Variants in DOK5 observed in about 807,000 individuals in gnomAD.
DOK5 encodes docking protein 5.
Under a neutral mutation model 43.3 loss-of-function variants are expected in DOK5, and 27 were observed. That is an observed-to-expected ratio of 0.62 (90% CI 0.46 to 0.86). The LOEUF is 0.86. DOK5 is among the 40% of genes least tolerant of loss of function. The pLI, the probability that DOK5 is intolerant of heterozygous loss-of-function variation, is 0.00. For synonymous variants in DOK5, 146 were observed against 140.1 expected (o/e 1.04, Z -0.30); for missense variants, 373 against 392.9 (o/e 0.95, Z 0.43).
chr20:54,610,553 A>G, intron 6 of DOK5, 30 bp downstream of exon 6: 1 of 1,424,746 alleles, frequency 7.0e-7, no homozygotes, highest in Admixed American at 2.7e-5. Context: ...CTCGTGTCCC[A>G]GTGCCTATCA....
chr20:54,644,722 A>AAACAAAAAAAAAAC lies in DOK5; in HGVS notation c.856+1151_856+1152insAAAAAACAACAAAA, dbSNP rs1555839829. On this transcript the variant is annotated intron_variant, in intron 7 of 7. Transcript: ENST00000262593. Reference sequence around the variant, plus strand: ...CTCCGTCTCAAAAAAAAAAAAAAAAAAACAAAATTTAGCTGGGCGTGGTGG... The same window carrying AAACAAAAAAAAAAC: ...CTCCGTCTCAAAAAAAAAAAAAAAAAAACAAAAAAAAAACAACAAAATTTAGCTGGGCGTGGTGG... Among the ~76,000 whole-genome samples the AAACAAAAAAAAAAC allele has an allele frequency of 2.9e-4, 43 of 146,624 alleles. 1 individual carries two copies. Among genetic ancestry groups the AAACAAAAAAAAAAC allele is most frequent in the African/African-American group, 1.0e-3 (40 of 39,314 alleles).
intron 5 of DOK5, among the ~76,000 whole-genome samples, chr20:54,605,012 AAT>A (rs1555835479): frequency 2.6e-5 from 3 of 116,154 alleles, no homozygotes; most frequent in Admixed American, 1.6e-4. Context: ...AAAAAAAAAA[AAT>A]ATATATATAT....
chr20:54,528,671 T>G (rs891089351), intron 1 of DOK5, among the ~76,000 whole-genome samples: 1 of 152,204 alleles, frequency 6.6e-6, no homozygotes, highest in Admixed American at 6.6e-5. Flanking sequence ...GTCCCTCAGC[T>G]GGCACATTGC....
intron 6 of DOK5, among the ~76,000 whole-genome samples, chr20:54,613,705 G>T (rs562865579): frequency 3.3e-5 from 5 of 152,128 alleles, no homozygotes; most frequent in Non-Finnish European, 5.9e-5. Context: ...TTAAAACTAT[G>T]CATCAAGGTT....
At chr20:54,561,815 T>C (rs1271502000) in intron 2 of DOK5, among the ~76,000 whole-genome samples, 1 of 152,136 alleles carries the variant, frequency 6.6e-6, no homozygotes, top group Non-Finnish European at 1.5e-5. Flanking sequence ...CGCCACCAAG[T>C]CCGGCTAATT....
At chr20:54,555,086 G>A (rs1379558174) in intron 2 of DOK5, 46 bp downstream of exon 2, 19 of 1,315,052 alleles carry the variant, frequency 1.4e-5, no homozygotes, top group Non-Finnish European at 2.1e-5. Flanking sequence ...TTTACAGGGA[G>A]GCAACTGGAA....
chr20:54,553,857 A>G (rs1461226514), intron 1 of DOK5, among the ~76,000 whole-genome samples: 5 of 142,552 alleles, frequency 3.5e-5, no homozygotes, highest in Non-Finnish European at 7.5e-5. Flanking sequence ...AGATCGCACC[A>G]CCTCACTCCA....
At chr20:54,529,213 C>T (rs921516279) in intron 1 of DOK5, among the ~76,000 whole-genome samples, 9 of 152,118 alleles carry the variant, frequency 5.9e-5, no homozygotes, top group African/African-American at 2.2e-4. Context: ...GGAAGATAGA[C>T]ATAATTATAA....
At chr20:54,628,344 G>C (rs963080948) in intron 6 of DOK5, among the ~76,000 whole-genome samples, 1 of 141,078 alleles carries the variant, frequency 7.1e-6, no homozygotes, top group Non-Finnish European at 1.5e-5. Flanking sequence ...GGGAGGCGGA[G>C]CTTGCAGTGA....
chr20:54,530,910 T>C (rs1983749473), intron 1 of DOK5, among the ~76,000 whole-genome samples: 1 of 152,186 alleles, frequency 6.6e-6, no homozygotes, highest in Non-Finnish European at 1.5e-5. Context: ...TAAGTTCCTG[T>C]GAGCGGAATT....
chr20:54,609,611 A>G (rs1188352395), intron 5 of DOK5, among the ~76,000 whole-genome samples: 1 of 152,058 alleles, frequency 6.6e-6, no homozygotes, highest in Admixed American at 6.6e-5. Flanking sequence ...ACATACATAT[A>G]CTAAAATATA....
intron 1 of DOK5, among the ~76,000 whole-genome samples, chr20:54,525,972 A>G (rs910794246): frequency 1.3e-5 from 2 of 152,086 alleles, no homozygotes; most frequent in Non-Finnish European, 2.9e-5. Flanking sequence ...CTTGAGTGTG[A>G]TATTTTTTCA....
intron 2 of DOK5, among the ~76,000 whole-genome samples, chr20:54,584,194 G>T (rs1467736706): frequency 6.6e-6 from 1 of 151,534 alleles, no homozygotes; most frequent in Non-Finnish European, 1.5e-5. Context: ...GATAGGAAAT[G>T]ATTACTTTTA....
intron 4 of DOK5, among the ~76,000 whole-genome samples, chr20:54,589,176 G>A (rs1985907132): frequency 6.6e-6 from 1 of 152,120 alleles, no homozygotes; most frequent in African/African-American, 2.4e-5. Flanking sequence ...AAAATTTAGA[G>A]GACGTAAAGA....
At chr20:54,618,446 C>T (rs576385996) in intron 6 of DOK5, among the ~76,000 whole-genome samples, 7 of 151,998 alleles carry the variant, frequency 4.6e-5, no homozygotes, top group East Asian at 3.9e-4. Flanking sequence ...CGGGTTCAAG[C>T]GATTCTTCCC....
At chr20:54,601,412 T>C (rs1287596765) in intron 5 of DOK5, among the ~76,000 whole-genome samples, 1 of 152,058 alleles carries the variant, frequency 6.6e-6, no homozygotes, top group Admixed American at 6.5e-5. Flanking sequence ...AAAGCAAAAA[T>C]GGAAAAAAGT....
chr20:54,476,256 G>GGGGC, intron 1 of DOK5: 2 of 952,784 alleles, frequency 2.1e-6, no homozygotes, highest in Non-Finnish European at 2.5e-6. Context: ...TTGGGCTTCA[G>GGGGC]TAGCCCCTGG....
At chr20:54,611,517 T>G (rs2146794237) in intron 6 of DOK5, among the ~76,000 whole-genome samples, 1 of 152,286 alleles carries the variant, frequency 6.6e-6, no homozygotes, top group South Asian at 2.1e-4. Flanking sequence ...GCCGAGTTTG[T>G]GCCACTGCAC....
At chr20:54,542,099 T>TACACACAG (rs763674242) in intron 1 of DOK5, among the ~76,000 whole-genome samples, 2,410 of 122,038 alleles carry the variant, frequency 0.02, 73 homozygotes, top group African/African-American at 0.076. Flanking sequence ...TATTATAAGA[T>TACACACAG]ACACACACAC....
Sources: allele counts gnomAD v4.1 joint callset (sites outside exome capture counted in the v4.1 genomes callset), GRCh38; gene constraint gnomAD v4.1.1; transcripts MANE v1.5; gene names NCBI Gene and HGNC (gene_info 2026-07-23, HGNC 2026-07-21).